The following FGD5 variants were observed in gnomAD, a reference collection of about 807,000 sequenced individuals.
FGD5 encodes the protein FYVE, RhoGEF and PH domain containing 5, also known as FYVE, RhoGEF and PH domain-containing protein 5.
FGD5 carries 28 observed loss-of-function variants against 133.4 expected under a neutral mutation model. The ratio of observed to expected loss-of-function variants is 0.21; its 90% CI spans 0.16 to 0.29. The LOEUF is 0.29. Ranked by LOEUF, FGD5 falls within the 10% of genes least tolerant of loss-of-function variation. The pLI, the probability that FGD5 is intolerant of heterozygous loss-of-function variation, is 1.00. For synonymous variants in FGD5, 810 were observed against 776.5 expected (o/e 1.04, Z -0.72); for missense variants, 1,858 against 1,895.2 (o/e 0.98, Z 0.36).
In FGD5 at chr3:14,862,014, A is replaced by G. The variant is rs2125103138; in HGVS notation, c.2526-2114A>G. Among the ~76,000 whole-genome samples the G allele has an allele frequency of 1.3e-5, 2 of 152,290 alleles. 1 individual carries two copies. The highest frequency in any genetic ancestry group is 4.8e-5 in the African/African-American group (2 of 41,568). ...TGTTCAGGCAGGAGGTGGCCTGGCC[A>G]GCAGAGGCTGTGCTAGAGATGCTAG... is the stretch of plus-strand genomic sequence containing the variant. On this transcript the variant is annotated intron_variant, in intron 1 of 19. Coordinates refer to ENST00000285046, the MANE Select transcript of FGD5 (RefSeq NM_152536.4).
chr3:14,861,946 G>A (rs948014840), intron 1 of FGD5, among the ~76,000 whole-genome samples: 5 of 152,182 alleles, frequency 3.3e-5, no homozygotes, highest in African/African-American at 1.2e-4. Context: ...TTGGGTGACA[G>A]CCAGGGTGAA....
intron 1 of FGD5, among the ~76,000 whole-genome samples, chr3:14,812,226 G>A (rs1031115515): frequency 6.6e-5 from 10 of 152,144 alleles, no homozygotes; most frequent in African/African-American, 1.9e-4. Flanking sequence ...TCACAGAACT[G>A]GGGAGCAGGA....
chr3:14,901,767 T>A (rs1369986002), intron 9 of FGD5, among the ~76,000 whole-genome samples: 2 of 152,086 alleles, frequency 1.3e-5, no homozygotes, highest in Non-Finnish European at 2.9e-5. Flanking sequence ...ACACAGTGAG[T>A]CATCCACAGG....
At chr3:14,816,509 G>C (rs2036371365), upstream of FGD5, among the ~76,000 whole-genome samples, 1 of 152,172 alleles carries the variant, frequency 6.6e-6, no homozygotes, top group Non-Finnish European at 1.5e-5. Flanking sequence ...AATCCATTGA[G>C]GGTAGGTGCT....
chr3:14,924,520 CG>C (rs1446695069), intron 17 of FGD5, among the ~76,000 whole-genome samples: 1 of 152,140 alleles, frequency 6.6e-6, no homozygotes, highest in African/African-American at 2.4e-5. Context: ...CAGGTGTTGA[CG>C]TCCCTGGAGG....
intron 1 of FGD5, among the ~76,000 whole-genome samples, chr3:14,825,071 A>G (rs1411795669): frequency 6.6e-6 from 1 of 152,206 alleles, no homozygotes; most frequent in Admixed American, 6.5e-5. Flanking sequence ...TCCCTTCAAG[A>G]AACAGCATAT....
At chr3:14,919,120 T>C (rs759575424) in intron 13 of FGD5, among the ~76,000 whole-genome samples, 41 of 152,198 alleles carry the variant, frequency 2.7e-4, no homozygotes, top group Admixed American at 4.6e-4. Context: ...GTCTCATGTT[T>C]GTGGAGCTCT....
Position 14,821,449 on chromosome 3 carries a change from G to C in FGD5, c.2378G>C (p.Arg793Thr). 6.2e-7 allele frequency: 1 copy of C among 1,614,022 alleles called. No individual in the cohort carries two copies. The highest frequency in any genetic ancestry group is 2.2e-5 in the East Asian group (1 of 44,878). The part of the protein sequence containing the change: ...DYENIQIPPR[R>T]PARAGAFTKL... ...GAGAATATCCAGATTCCACCCCGGA[G>C]ACCTGCCAGGGCTGGCGCGTTCACG... Residue 793 changes from arginine to threonine, a missense_variant, in exon 1 of 20, where the codon AGA becomes ACA. This residue lies in a region of FGD5 where 1,824 missense variants were observed against 1,848.9 expected (regional missense o/e 0.99). Transcript: ENST00000285046.
In FGD5 at chr3:14,933,279, G is replaced by C; in HGVS notation, c.*112G>C. ...GACACACACCTGGATTCAGCAATGA[G>C]GCCTGACCTTTTTTGCTATAACCGC... is the stretch of plus-strand genomic sequence containing the variant. On this transcript the variant is annotated 3_prime_UTR_variant, in exon 20 of 20. Transcript: ENST00000285046. 7.8e-7 allele frequency: 1 copy of C among 1,275,622 alleles called. No individual in the cohort carries two copies. 79.0% of individuals were successfully genotyped at this position (1,275,622 alleles called of 1,614,324 possible).
Position 14,922,871 on chromosome 3 carries a change from A to G in FGD5, c.3808-175A>G, listed in dbSNP as rs532908584. 6.6e-6 allele frequency among the ~76,000 whole-genome samples: 1 copy of G among 152,326 alleles called. No individual in the cohort carries two copies. The highest frequency in any genetic ancestry group is 2.4e-5 in the African/African-American group (1 of 41,574). Reference sequence around the variant, plus strand: ...CAGAAAAGCAGATAGGCGCTGGCTCAGAAACAAGATGAAGCCTTGCCGGAA... The same window carrying G: ...CAGAAAAGCAGATAGGCGCTGGCTCGGAAACAAGATGAAGCCTTGCCGGAA... On this transcript the variant is annotated intron_variant, in intron 15 of 19. Transcript: ENST00000285046. This position sits in a 1 kb window ranked among gnomAD's most constrained non-coding sequence, Gnocchi z 4.1.
upstream of FGD5, among the ~76,000 whole-genome samples, chr3:14,814,541 C>T (rs1345117915): frequency 2.0e-5 from 3 of 152,070 alleles, no homozygotes; most frequent in East Asian, 5.8e-4. Flanking sequence ...TTTGTTTGCA[C>T]CCTCCTCATC....
chr3:14,868,933 A>G (rs781557000), intron 2 of FGD5, among the ~76,000 whole-genome samples: 6 of 152,168 alleles, frequency 3.9e-5, no homozygotes, highest in Admixed American at 1.3e-4. Context: ...TTCACATTCT[A>G]GAGAAGGGGA....
chr3:14,902,536 G>T (rs2038260368), intron 9 of FGD5, among the ~76,000 whole-genome samples: 1 of 152,144 alleles, frequency 6.6e-6, no homozygotes. Context: ...GACTGAGAGT[G>T]GAGGCTGAAT....
At chr3:14,889,852 T>A (rs763508995) in intron 4 of FGD5, among the ~76,000 whole-genome samples, 4 of 152,152 alleles carry the variant, frequency 2.6e-5, no homozygotes, top group African/African-American at 4.8e-5. Flanking sequence ...TGAATGTTTC[T>A]TTTGCTTTTT....
At chr3:14,879,733 G>A (rs879540314) in intron 2 of FGD5, among the ~76,000 whole-genome samples, 2 of 152,278 alleles carry the variant, frequency 1.3e-5, no homozygotes, top group South Asian at 4.1e-4. Flanking sequence ...GCTCAGAAAC[G>A]ATACCTAGCC....
At chr3:14,871,461 G>T (rs557723384) in intron 2 of FGD5, among the ~76,000 whole-genome samples, 1 of 152,216 alleles carries the variant, frequency 6.6e-6, no homozygotes, top group Non-Finnish European at 1.5e-5. Context: ...GTGAGTGATG[G>T]AGCTGGGAGT....
chr3:14,879,822 G>C (rs2037790916), intron 2 of FGD5, among the ~76,000 whole-genome samples: 1 of 152,212 alleles, frequency 6.6e-6, no homozygotes, highest in African/African-American at 2.4e-5. Flanking sequence ...GGATGACTGG[G>C]AGTTAGCCAG....
At chr3:14,871,275 C>T (rs982407692) in intron 2 of FGD5, among the ~76,000 whole-genome samples, 2 of 152,220 alleles carry the variant, frequency 1.3e-5, no homozygotes, top group South Asian at 2.1e-4. Flanking sequence ...TTCATGGGTG[C>T]GTCCTTGCTG....
At chr3:14,918,555 G>A (rs293915) in intron 12 of FGD5, among the ~76,000 whole-genome samples, 199 bp from the exon 13 acceptor site, 65,493 of 152,072 alleles carry the variant, frequency 0.43, 15,213 homozygotes, top group South Asian at 0.57. Context: ...CCTTCCCAGC[G>A]GTGGGTGAGT....
Sources: gnomAD v4.1 joint callset for allele counts (sites outside exome capture counted in the v4.1 genomes callset) on GRCh38, gnomAD v4.1.1 for gene constraint, gnomAD v4.1.1 regional missense constraint, Gnocchi (gnomAD v3.1) non-coding constraint, MANE v1.5 for transcripts, NCBI Gene and HGNC (gene_info 2026-07-23, HGNC 2026-07-21) for gene names.